NCK2: variants seen among roughly 807,000 people sequenced by gnomAD.
The protein encoded by NCK2 is NCK adaptor protein 2, also known as cytoplasmic protein NCK2.
NCK2 carries 16 observed loss-of-function variants against 33.9 expected under a neutral mutation model. The ratio of observed to expected loss-of-function variants is 0.47; its 90% CI spans 0.32 to 0.72. NCK2 has a LOEUF of 0.72. Among genes scored for constraint, NCK2 ranks in the 30% least tolerant of loss-of-function variants. The pLI is 0.03. For synonymous variants in NCK2, 273 were observed against 239.9 expected (o/e 1.14, Z -1.27); for missense variants, 418 against 537.3 (o/e 0.78, Z 2.19).
chr2:105,840,168 G>A (rs1676587316), intron 2 of NCK2, among the ~76,000 whole-genome samples: 1 of 152,120 alleles, frequency 6.6e-6, no homozygotes, highest in Non-Finnish European at 1.5e-5. Flanking sequence ...ATATGGAGGA[G>A]AATTTAGCAT....
At chr2:105,838,950 AAG>A (rs1676535112) in intron 2 of NCK2, among the ~76,000 whole-genome samples, 1 of 152,224 alleles carries the variant, frequency 6.6e-6, no homozygotes, top group Non-Finnish European at 1.5e-5. Context: ...GCCATGGAAA[AAG>A]AGAAAACAGA....
chr2:105,812,630 C>G (rs1416456096), intron 1 of NCK2, among the ~76,000 whole-genome samples: 1 of 152,134 alleles, frequency 6.6e-6, no homozygotes, highest in Non-Finnish European at 1.5e-5. Flanking sequence ...GAGGCCTATG[C>G]TAATCCATGC....
chr2:105,831,547 C>G (rs1350982500), intron 2 of NCK2, among the ~76,000 whole-genome samples: 2 of 151,464 alleles, frequency 1.3e-5, no homozygotes, highest in Non-Finnish European at 2.9e-5. Context: ...AGTCTTTAAT[C>G]AATTTTGAGT....
chr2:105,744,656 C>T (rs1306133000), upstream of NCK2, among the ~76,000 whole-genome samples: 10 of 151,988 alleles, frequency 6.6e-5, no homozygotes, highest in South Asian at 2.1e-4. Context: ...AGCGGAGCGT[C>T]CCGCAGCCCC....
At position 105,893,763 on chromosome 2, in the gene NCK2, A is replaced by G. The variant is rs1355100485; in HGVS notation, c.*587A>G. On this transcript the variant is annotated 3_prime_UTR_variant, in exon 5 of 5. Transcript: ENST00000233154. ...AGAATTTCCTGGAAAGGCAGTCTGCAAAAGAGGGAACCGGTGACTCAGAAA... is the reference window on the plus strand; with the variant it reads ...AGAATTTCCTGGAAAGGCAGTCTGCGAAAGAGGGAACCGGTGACTCAGAAA... The G allele has an allele frequency of 6.5e-6, 1 of 152,700 alleles. No homozygotes were observed. Among genetic ancestry groups the G allele is most frequent in the African/African-American group, 2.4e-5 (1 of 41,464 alleles). The allele number at this position is 152,700 out of a possible 1,614,324, so 9.5% of individuals were successfully genotyped here. A position where few individuals can be genotyped will look rare whatever the true frequency, so the allele number is the denominator to read the frequency against.
At chr2:105,878,995 A>T (rs559796260) in intron 3 of NCK2, among the ~76,000 whole-genome samples, 1 of 152,296 alleles carries the variant, frequency 6.6e-6, no homozygotes, top group Non-Finnish European at 1.5e-5. Flanking sequence ...TTGTTTTTGA[A>T]AGAAGTCACT....
At chr2:105,810,663 AC>A (rs1018819216) in intron 1 of NCK2, among the ~76,000 whole-genome samples, 6 of 152,192 alleles carry the variant, frequency 3.9e-5, no homozygotes, top group Non-Finnish European at 7.3e-5. Flanking sequence ...GATTACAAAG[AC>A]AAGTAGCAGT....
chr2:105,799,905 T>G (rs896069379), intron 1 of NCK2, among the ~76,000 whole-genome samples: 1 of 152,234 alleles, frequency 6.6e-6, no homozygotes, highest in Non-Finnish European at 1.5e-5. Context: ...AACTTTTTTT[T>G]TTAACAGTGA....
chr2:105,804,769 G>A (rs1331715996), intron 1 of NCK2, among the ~76,000 whole-genome samples: 1 of 152,202 alleles, frequency 6.6e-6, no homozygotes, highest in Non-Finnish European at 1.5e-5. Flanking sequence ...ACCATTGTTT[G>A]GTTTTGGCAT....
chr2:105,749,408 T>C (rs527698570), intron 1 of NCK2, among the ~76,000 whole-genome samples: 1 of 152,342 alleles, frequency 6.6e-6, no homozygotes, highest in East Asian at 1.9e-4. Flanking sequence ...CATGTACTAA[T>C]GCATGCACGC....
At chr2:105,821,272 T>G (rs1348771965) in intron 2 of NCK2, among the ~76,000 whole-genome samples, 1 of 152,188 alleles carries the variant, frequency 6.6e-6, no homozygotes, top group Non-Finnish European at 1.5e-5. Flanking sequence ...TTAGAAAGAT[T>G]TTTTACACGC....
rs150508099 is a variant in NCK2, at chr2:105,805,912, G to A, written c.-200-10518G>A. On this transcript the variant is annotated intron_variant, in intron 1 of 4. Transcript: ENST00000233154. Reference sequence around the variant, plus strand: ...TTTGGAATATTTGCATAAACATAACGAGAGGTTTTGGGGATGGAGCCAAGT... The same window carrying A: ...TTTGGAATATTTGCATAAACATAACAAGAGGTTTTGGGGATGGAGCCAAGT... 6.8e-3 allele frequency among the ~76,000 whole-genome samples: 1,037 copies of A among 152,146 alleles called. 5 individuals carry two copies. The highest frequency in any genetic ancestry group is 0.014 in the Middle Eastern group (4 of 294).
At chr2:105,892,952 G>A (rs1340691410) in intron 4 of NCK2, 30 bp from the exon 5 acceptor site, 6 of 1,580,570 alleles carry the variant, frequency 3.8e-6, no homozygotes, top group Admixed American at 3.4e-5. Context: ...GCTGTGGCCC[G>A]GCTGTAACTG....
chr2:105,882,291 G>T (rs149416859), intron 4 of NCK2, among the ~76,000 whole-genome samples: 3 of 152,264 alleles, frequency 2.0e-5, no homozygotes, highest in African/African-American at 7.2e-5. Flanking sequence ...TCACAGAGGT[G>T]GTTCTGCTTC....
At chr2:105,812,809 A>G (rs1675339017) in intron 1 of NCK2, among the ~76,000 whole-genome samples, 1 of 118,830 alleles carries the variant, frequency 8.4e-6, no homozygotes, top group Admixed American at 9.0e-5. Context: ...ACACTATTCA[A>G]CAAGGCTTTT....
At chr2:105,789,248 C>T (rs1451990366) in intron 1 of NCK2, among the ~76,000 whole-genome samples, 2 of 152,088 alleles carry the variant, frequency 1.3e-5, no homozygotes, top group African/African-American at 2.4e-5. Flanking sequence ...AGTGTAGTGG[C>T]GCGATCTTGG....
chr2:105,775,276 G>A (rs1327069416), intron 1 of NCK2, among the ~76,000 whole-genome samples: 3 of 152,116 alleles, frequency 2.0e-5, no homozygotes, highest in Non-Finnish European at 4.4e-5. Flanking sequence ...TTTTCATGAT[G>A]GGAAATTTCA....
At chr2:105,830,125 A>AT (rs1676111472) in intron 2 of NCK2, among the ~76,000 whole-genome samples, 1 of 152,170 alleles carries the variant, frequency 6.6e-6, no homozygotes, top group Admixed American at 6.5e-5. Context: ...TCTTCTAGTT[A>AT]TTTTAAAGTC....
chr2:105,873,282 A>G (rs1678089624), intron 3 of NCK2, among the ~76,000 whole-genome samples: 1 of 152,194 alleles, frequency 6.6e-6, no homozygotes, highest in Non-Finnish European at 1.5e-5. Context: ...TGCCTAAGAT[A>G]CTGGCCCCAG....
Sources: allele counts gnomAD v4.1 joint callset (sites outside exome capture counted in the v4.1 genomes callset), GRCh38; gene constraint gnomAD v4.1.1; transcripts MANE v1.5; gene names NCBI Gene and HGNC (gene_info 2026-07-23, HGNC 2026-07-21).